The following BSN variants were observed in gnomAD, a reference collection of about 807,000 sequenced individuals.
BSN encodes the protein bassoon presynaptic cytomatrix protein.
Under a neutral mutation model 264.8 loss-of-function variants are expected in BSN, and 57 were observed. The observed-to-expected ratio is 0.22, with a 90% CI of 0.17 to 0.27. BSN has a LOEUF of 0.27. BSN is among the 10% of genes least tolerant of loss of function. BSN has a pLI of 1.00. For missense variants in BSN, 4,615 were observed against 5,232.5 expected (o/e 0.88, Z 3.64); for synonymous variants, 2,059 against 2,137.3 (o/e 0.96, Z 1.01).
At chr3:49,556,738 A>G (rs2051675550) in intron 1 of BSN, among the ~76,000 whole-genome samples, 1 of 152,206 alleles carries the variant, frequency 6.6e-6, no homozygotes, top group African/African-American at 2.4e-5. Context: ...TCCTCTCACT[A>G]GAGCATCTCA....
intron 1 of BSN, among the ~76,000 whole-genome samples, chr3:49,614,261 G>A (rs925672929): frequency 1.1e-4 from 16 of 151,822 alleles, no homozygotes; most frequent in Non-Finnish European, 1.6e-4. Context: ...GGGTTTCACC[G>A]TGTTAGCCAG....
intron 1 of BSN, among the ~76,000 whole-genome samples, chr3:49,584,995 A>G (rs2051923721): frequency 6.6e-6 from 1 of 152,132 alleles, no homozygotes; most frequent in Non-Finnish European, 1.5e-5. Flanking sequence ...GCTGAGTAGT[A>G]CTCCACTGTA....
At chr3:49,575,029 C>G (rs2051832012) in intron 1 of BSN, among the ~76,000 whole-genome samples, 1 of 151,948 alleles carries the variant, frequency 6.6e-6, no homozygotes. Context: ...GGAATTTTTT[C>G]TTTTGGCTTA....
At chr3:49,580,463 G>A (rs2051887371) in intron 1 of BSN, among the ~76,000 whole-genome samples, 1 of 151,834 alleles carries the variant, frequency 6.6e-6, no homozygotes. Flanking sequence ...TTAGGATCTT[G>A]CTCTGTCACC....
rs374637549 is a variant in BSN, at chr3:49,654,296, G to A, written c.4740G>A (p.Pro1580=). 9.0e-5 allele frequency: 145 copies of A among 1,613,346 alleles called. No homozygotes were observed. Among genetic ancestry groups the A allele is most frequent in the African/African-American group, 3.1e-4 (23 of 74,848 alleles). ...TACATGCCAGTGCCTCCACCTCCCC[G>A]CTCTGCTCACCTACTGAAACCCAGC... is the stretch of plus-strand genomic sequence containing the variant. ...RMVHASASTS[P]LCSPTETQPT... is the part of the protein sequence containing the mutation. The change falls in exon 5 of 12, where the codon CCG becomes CCA. Residue 1580 remains proline, a synonymous_variant. Coordinates refer to ENST00000296452, the MANE Select transcript of BSN (RefSeq NM_003458.4). The surrounding 1 kb of genome is among the most constrained non-coding windows in gnomAD (Gnocchi z 4.1).
chr3:49,641,303 T>C (rs1469851256), intron 2 of BSN, among the ~76,000 whole-genome samples: 1 of 152,230 alleles, frequency 6.6e-6, no homozygotes, highest in Non-Finnish European at 1.5e-5. Flanking sequence ...TCTCTCTGTA[T>C]GTTGGGAAAG....
rs1224725737 is a variant in BSN at position 49,660,074 on chromosome 3, T to G, written c.8641-412T>G. 1.3e-5 allele frequency among the ~76,000 whole-genome samples: 2 copies of G among 152,042 alleles called. No homozygotes were observed. Among genetic ancestry groups the G allele is most frequent in the Non-Finnish European group, 1.5e-5 (1 of 67,992 alleles). On this transcript the variant is annotated intron_variant, in intron 5 of 11. Transcript: ENST00000296452. This position sits in a 1 kb window ranked among gnomAD's most constrained non-coding sequence, Gnocchi z 7.1. ...ATGCCTCCTGTTCATACTCCACTGA[T>G]CTCAACCCCTGTCAGCTGCTAGGCC...
At position 49,589,082 on chromosome 3, in the gene BSN, A is replaced by ATTTTT. The variant is rs55919876; in HGVS notation, c.224+34266_224+34270dup. Reference sequence around the variant, plus strand: ...GGCGCCTGCCACCACGCCTGGCTAAATTTTTTTTTTTTTTGTATTTTTTAG... The same window carrying ATTTTT: ...GGCGCCTGCCACCACGCCTGGCTAAATTTTTTTTTTTTTTTTTTTGTATTTTTTAG... On this transcript the variant is annotated intron_variant, in intron 1 of 11. Transcript: ENST00000296452. Among the ~76,000 whole-genome samples the ATTTTT allele has an allele frequency of 2.2e-3, 291 of 132,434 alleles. 11 individuals are homozygous for ATTTTT. Among genetic ancestry groups the ATTTTT allele is most frequent in the East Asian group, 4.3e-3 (20 of 4,606 alleles). 86.9% of individuals were successfully genotyped at this position (132,434 alleles called of 152,430 possible). A position where few individuals can be genotyped will look rare whatever the true frequency, so the allele number is the denominator to read the frequency against.
chr3:49,578,675 G>A (rs1043069968), intron 1 of BSN, among the ~76,000 whole-genome samples: 7 of 151,876 alleles, frequency 4.6e-5, no homozygotes, highest in African/African-American at 1.7e-4. Flanking sequence ...TAAAGTGCTG[G>A]GATTACAGGT....
Position 49,660,303 on chromosome 3 carries a change from A to G in BSN, c.8641-183A>G, listed in dbSNP as rs2052642898. Among the ~76,000 whole-genome samples, 1 of 152,024 alleles carries G rather than the reference A, an allele frequency of 6.6e-6. No homozygotes were observed. Among genetic ancestry groups the G allele is most frequent in the Admixed American group, 6.5e-5 (1 of 15,268 alleles). On this transcript the variant is annotated intron_variant, in intron 5 of 11. Transcript: ENST00000296452. The surrounding 1 kb of genome is among the most constrained non-coding windows in gnomAD (Gnocchi z 7.1). ...TAAAATAATCACAGATCTTCCCTCT[A>G]TGGCAAAGAAACCAAGGCCTATGGG...
intron 1 of BSN, among the ~76,000 whole-genome samples, chr3:49,555,077 C>T (rs1221801082): frequency 1.2e-4 from 19 of 152,196 alleles, no homozygotes; most frequent in Admixed American, 1.2e-3. Flanking sequence ...TCACGAACCC[C>T]AAATTCGCTT....
intron 1 of BSN, among the ~76,000 whole-genome samples, chr3:49,562,764 G>T (rs191352414): frequency 6.6e-6 from 1 of 152,328 alleles, no homozygotes; most frequent in East Asian, 1.9e-4. Context: ...AGGCTTTGAG[G>T]AGTGGGAAAG....
At chr3:49,630,736 A>G (rs971302982) in intron 2 of BSN, among the ~76,000 whole-genome samples, 1 of 152,250 alleles carries the variant, frequency 6.6e-6, no homozygotes, top group Non-Finnish European at 1.5e-5. Flanking sequence ...GGCAAAGGAA[A>G]CAGAATAAAA....
At chr3:49,646,927 G>A (rs1287914672) in intron 3 of BSN, among the ~76,000 whole-genome samples, 2 of 152,236 alleles carry the variant, frequency 1.3e-5, no homozygotes, top group African/African-American at 2.4e-5. Flanking sequence ...CAGGGTCGCA[G>A]AGTCAGGAGA....
chr3:49,618,879 G>C (rs2052281453), intron 1 of BSN, among the ~76,000 whole-genome samples: 1 of 152,068 alleles, frequency 6.6e-6, no homozygotes, highest in Non-Finnish European at 1.5e-5. Context: ...TTGGAGGACT[G>C]GACTCCTATA....
Position 49,652,214 on chromosome 3 carries a change from C to T in BSN, c.2658C>T (p.Ser886=). The change falls in exon 5 of 12, where the codon AGC becomes AGT. Residue 886 remains serine, a synonymous_variant. Coordinates refer to ENST00000296452, the MANE Select transcript of BSN (RefSeq NM_003458.4). Reference sequence around the variant, plus strand: ...GCCCCAGACCCAGGCCTGAGCCTAGCCAAGAACCAGCAGCACTGCCCAAGA... The same window carrying T: ...GCCCCAGACCCAGGCCTGAGCCTAGTCAAGAACCAGCAGCACTGCCCAAGA... ...KGGPRPRPEP[S]QEPAALPKRR... The T allele has an allele frequency of 1.2e-6, 2 of 1,612,792 alleles. No homozygotes were observed. The highest frequency in any genetic ancestry group is 1.7e-6 in the Non-Finnish European group (2 of 1,179,258).
rs2052535174 is a variant in BSN, at chr3:49,650,778, G to A, written c.1685G>A (p.Gly562Asp). The change falls in exon 4 of 12, where the codon GGC becomes GAC. Residue 562 changes from glycine to aspartate, a missense_variant. Gly to Asp is a moderately conservative substitution (Grantham distance 94). Transcript: ENST00000296452. ...PLKQKGPQGLGQPSGPLPAKA... is the reference protein window; with the variant it reads ...PLKQKGPQGLDQPSGPLPAKA... ...AAGCAGAAAGGGCCACAGGGGCTGG[G>A]CCAGCCTTCAGGCCCCCTGCCTGCC... 3 of 1,613,674 alleles carry A rather than the reference G, an allele frequency of 1.9e-6. No homozygotes were observed. The highest frequency in any genetic ancestry group is 2.5e-6 in the Non-Finnish European group (3 of 1,179,944).
chr3:49,625,305 A>G lies in BSN; in HGVS notation c.555A>G (p.Pro185=). The G allele has an allele frequency of 6.3e-7, 1 of 1,599,914 alleles. No homozygotes were observed. The highest frequency in any genetic ancestry group is 2.3e-5 in the East Asian group (1 of 44,010). ...ACCTCACGTCGACCCCCAGCCAGCC[A>G]AACTTCAACACCTGCACCCAGTGTC... ...TSDLTSTPSQ[P]NFNTCTQCHN... Residue 185 remains proline (P), a synonymous_variant, in exon 2 of 12, where the codon CCA becomes CCG. Transcript: ENST00000296452. The surrounding 1 kb of genome is among the most constrained non-coding windows in gnomAD (Gnocchi z 4.4).
rs2052688129 is a variant in BSN at position 49,663,856 on chromosome 3, G to A, written c.11578G>A (p.Ala3860Thr). The A allele has an allele frequency of 1.2e-6, 2 of 1,613,888 alleles. No individual in the cohort carries two copies. The highest frequency in any genetic ancestry group is 1.7e-5 in the Admixed American group (1 of 60,006). ...ACCGCAACAGGGGAGGGCTCCTCAG[G>A]CCCAGCCAGCACCAGGACCTGGACC... ...KAPQQGRAPQ[A>T]QPAPGPGPAG... The change falls in exon 8 of 12, where the codon GCC becomes ACC. Residue 3860 changes from alanine (A) to threonine (T), a missense_variant. By Grantham distance (58) the Ala-to-Thr change is moderately conservative. Coordinates refer to ENST00000296452, the MANE Select transcript of BSN (RefSeq NM_003458.4).
Sources: allele counts gnomAD v4.1 joint callset (sites outside exome capture counted in the v4.1 genomes callset), GRCh38; gene constraint gnomAD v4.1.1; non-coding constraint Gnocchi (gnomAD v3.1); transcripts MANE v1.5; gene names NCBI Gene and HGNC (gene_info 2026-07-23, HGNC 2026-07-21).